Variants in PTPRN2 observed in about 807,000 individuals in gnomAD.
The protein encoded by PTPRN2 is receptor-type tyrosine-protein phosphatase N2.
PTPRN2 carries 74 observed loss-of-function variants against 118.8 expected under a neutral mutation model. The observed-to-expected ratio is 0.62, with a 90% confidence interval of 0.52 to 0.76. The LOEUF is 0.76. Among genes scored for constraint, PTPRN2 ranks in the 30% least tolerant of loss-of-function variants. The pLI is 0.00. For missense variants in PTPRN2, 1,481 were observed against 1,394.4 expected (o/e 1.06, Z -0.99); for synonymous variants, 641 against 608.0 (o/e 1.05, Z -0.80).
At chr7:158,545,773 C>T (rs892352529) in intron 1 of PTPRN2, among the ~76,000 whole-genome samples, 6 of 152,082 alleles carry the variant, frequency 3.9e-5, no homozygotes, top group East Asian at 1.9e-4. Flanking sequence ...CTGAGGTGGG[C>T]GGATCACCTG....
intron 2 of PTPRN2, among the ~76,000 whole-genome samples, chr7:158,340,591 C>A (rs1258955454): frequency 8.6e-6 from 1 of 116,630 alleles, no homozygotes; most frequent in Non-Finnish European, 1.9e-5. Flanking sequence ...CCGACGCCCG[C>A]AGACATCACT....
chr7:157,717,969 G>A (rs75046893), intron 12 of PTPRN2, among the ~76,000 whole-genome samples: 4,445 of 152,382 alleles, frequency 0.029, 195 homozygotes, highest in African/African-American at 0.093. Flanking sequence ...ATTTCTACGC[G>A]TGTGGGCAGG....
intron 2 of PTPRN2, among the ~76,000 whole-genome samples, chr7:158,400,980 C>A (rs1400480230): frequency 1.3e-5 from 2 of 152,166 alleles, no homozygotes; most frequent in Non-Finnish European, 2.9e-5. Flanking sequence ...CCCAGAGCTT[C>A]CCCGACTGCG....
At chr7:157,734,104 G>A (rs1297967122) in intron 12 of PTPRN2, among the ~76,000 whole-genome samples, 6 of 60,862 alleles carry the variant, frequency 9.9e-5, no homozygotes, top group Non-Finnish European at 1.7e-4. Context: ...ACCCTTTCCC[G>A]TCCCATGCGC....
At chr7:157,943,882 C>T (rs1800299335) in intron 11 of PTPRN2, among the ~76,000 whole-genome samples, 1 of 152,222 alleles carries the variant, frequency 6.6e-6, no homozygotes, top group Non-Finnish European at 1.5e-5. Flanking sequence ...AAGTTGATCA[C>T]TACACCATCC....
intron 3 of PTPRN2, among the ~76,000 whole-genome samples, chr7:158,235,644 A>G (rs1176206629): frequency 6.6e-6 from 1 of 152,166 alleles, no homozygotes; most frequent in East Asian, 1.9e-4. Flanking sequence ...CTACAAATAG[A>G]CAGAAGAAAT....
intron 1 of PTPRN2, among the ~76,000 whole-genome samples, chr7:158,564,620 C>A (rs1326823312): frequency 1.3e-5 from 2 of 152,224 alleles, no homozygotes; most frequent in Admixed American, 1.3e-4. Context: ...CCCTGCCCAC[C>A]CTTCATGCCC....
chr7:158,191,983 C>T lies in PTPRN2; in HGVS notation c.549+344G>A, dbSNP rs113064872. On this transcript the variant is annotated intron_variant, in intron 5 of 22. Coordinates refer to ENST00000389418, the MANE Select transcript of PTPRN2 (RefSeq NM_002847.5). ...CAGGTTTCAGTGTCCACTGCTGTCC[C>T]GGATCCTTTCTCAAAGGGTGAAGAG... Among the ~76,000 whole-genome samples the T allele has an allele frequency of 1.3e-3, 197 of 152,286 alleles. 1 individual carries two copies. The highest frequency in any genetic ancestry group is 4.4e-3 in the African/African-American group (184 of 41,560).
At chr7:157,770,055 T>G (rs1365646971) in intron 12 of PTPRN2, among the ~76,000 whole-genome samples, 1 of 152,220 alleles carries the variant, frequency 6.6e-6, no homozygotes, top group East Asian at 1.9e-4. Flanking sequence ...GCTTCCTTGG[T>G]CTCCGAGCCT....
intron 12 of PTPRN2, among the ~76,000 whole-genome samples, chr7:157,818,328 A>G (rs1205603666): frequency 6.6e-6 from 1 of 152,172 alleles, no homozygotes; most frequent in African/African-American, 2.4e-5. Context: ...GTCTAGCAGC[A>G]GAGAAACAGA....
At chr7:158,169,857 A>G (rs1414456402) in intron 5 of PTPRN2, among the ~76,000 whole-genome samples, 1 of 147,988 alleles carries the variant, frequency 6.8e-6, no homozygotes, top group Non-Finnish European at 1.5e-5. Flanking sequence ...ACGCCCTGCT[A>G]ATTTTTGTGT....
chr7:158,197,068 A>T (rs1016504164), intron 4 of PTPRN2, among the ~76,000 whole-genome samples: 2 of 152,218 alleles, frequency 1.3e-5, no homozygotes, highest in African/African-American at 4.8e-5. Flanking sequence ...CTCCTTTCAC[A>T]GAATTTGATG....
chr7:158,488,342 G>A (rs1052510661), intron 2 of PTPRN2, among the ~76,000 whole-genome samples: 1 of 152,104 alleles, frequency 6.6e-6, no homozygotes, highest in Non-Finnish European at 1.5e-5. Flanking sequence ...GTTCCCACTT[G>A]TCACACTCGG....
rs1828221126 is a variant in PTPRN2, at chr7:158,574,567, C to T, written c.112+12991G>A. On this transcript the variant is annotated intron_variant, in intron 1 of 22. Transcript: ENST00000389418. This position sits in a 1 kb window ranked among gnomAD's most constrained non-coding sequence, Gnocchi z 4.6. ...CCAAGAGCCCTGTCCAGGGCTTGGG[C>T]TTCCTTCCTAAGGTTAGATGTGGGG... is the stretch of plus-strand genomic sequence containing the variant. Among the ~76,000 whole-genome samples, 1 of 152,178 alleles carries T rather than the reference C, an allele frequency of 6.6e-6. No individual in the cohort carries two copies. The highest frequency in any genetic ancestry group is 1.5e-5 in the Non-Finnish European group (1 of 68,038).
At chr7:158,276,354 TGTAA>T in intron 3 of PTPRN2, among the ~76,000 whole-genome samples, 4 of 26,934 alleles carry the variant, frequency 1.5e-4, no homozygotes, top group Admixed American at 4.9e-4. Flanking sequence ...CCCGACAGGC[TGTAA>T]GGCAGCACCC....
intron 5 of PTPRN2, among the ~76,000 whole-genome samples, chr7:158,174,235 C>T (rs767678978): frequency 3.5e-4 from 53 of 152,148 alleles, no homozygotes; most frequent in East Asian, 1.3e-3. Context: ...CAGCTTCAGC[C>T]GGTCCCTCCA....
intron 2 of PTPRN2, among the ~76,000 whole-genome samples, chr7:158,400,699 C>A (rs184830399): frequency 6.6e-6 from 1 of 152,286 alleles, no homozygotes; most frequent in Admixed American, 6.5e-5. Context: ...AGCCTCAGCA[C>A]AGGACACCGT....
intron 12 of PTPRN2, among the ~76,000 whole-genome samples, chr7:157,759,192 C>T (rs895240260): frequency 5.3e-5 from 8 of 152,238 alleles, no homozygotes; most frequent in African/African-American, 1.7e-4. Context: ...GCCTGGGCGC[C>T]GTGGGCGCAG....
At chr7:157,570,650 A>T (rs992368843) in intron 20 of PTPRN2, among the ~76,000 whole-genome samples, 8 of 152,128 alleles carry the variant, frequency 5.3e-5, no homozygotes, top group Admixed American at 2.0e-4. Context: ...GTACTTAGGG[A>T]TATGAGTCAC....
Sources: allele counts gnomAD v4.1 joint callset (sites outside exome capture counted in the v4.1 genomes callset), GRCh38; gene constraint gnomAD v4.1.1; non-coding constraint Gnocchi (gnomAD v3.1); transcripts MANE v1.5; gene names NCBI Gene and HGNC (gene_info 2026-07-23, HGNC 2026-07-21).